The following ATP5IF1 variants were observed in gnomAD, a reference collection of about 807,000 sequenced individuals.
ATP5IF1 encodes ATPase inhibitor, mitochondrial.
A neutral mutation model predicts 8.5 loss-of-function variants in ATP5IF1; 12 were observed. That is an observed-to-expected ratio of 1.41 (90% CI 0.90 to 2.28). ATP5IF1 has a LOEUF of 2.28. ATP5IF1 is among the 30% of genes most tolerant of loss of function. The pLI is 0.00. For missense variants in ATP5IF1, 154 were observed against 140.2 expected (o/e 1.10, Z -0.50); for synonymous variants, 51 against 53.4 (o/e 0.96, Z 0.19).
In ATP5IF1 at chr1:28,237,549, C is replaced by T. The variant is rs1288890619; in HGVS notation, c.180-288C>T. 16 of 1,386,818 alleles carry T rather than the reference C, an allele frequency of 1.2e-5. No individual in the cohort carries two copies. The East Asian group carries it at 4.0e-4, about 34-fold the overall frequency. 85.9% of individuals were successfully genotyped at this position (1,386,818 alleles called of 1,614,324 possible). On this transcript the variant is annotated intron_variant, in intron 2 of 2. Coordinates refer to ENST00000335514, the MANE Select transcript of ATP5IF1 (RefSeq NM_016311.5). ...TTTCCCTAAAGGGGAGTCAAGTTCCCTGGGTTGTTCCCCTCATAAGGTATT... is the reference window on the plus strand; with the variant it reads ...TTTCCCTAAAGGGGAGTCAAGTTCCTTGGGTTGTTCCCCTCATAAGGTATT...
intron 1 of ATP5IF1, 42 bp from the exon 2 acceptor site, chr1:28,236,319 C>G: frequency 6.2e-7 from 1 of 1,614,218 alleles, no homozygotes. Context: ...CGGATCCCAT[C>G]TTTGCTTCCG....
Position 28,237,830 on chromosome 1 carries a change from C to T in ATP5IF1, c.180-7C>T. On this transcript the variant is annotated splice_polypyrimidine_tract_variant and splice_region_variant and intron_variant, in intron 2 of 2. Transcript: ENST00000335514. ...AAATTAAACCCTGAGCCACCGTGTC[C>T]TTGTAGAGCACAGAGTAGAGAACAA... 2 of 1,614,130 alleles carry T rather than the reference C, an allele frequency of 1.2e-6. No homozygotes were observed. The highest frequency in any genetic ancestry group is 1.7e-6 in the Non-Finnish European group (2 of 1,180,016).
Position 28,237,548 on chromosome 1 carries a change from C to T in ATP5IF1, c.180-289C>T, listed in dbSNP as rs533357966. 26 of 1,388,842 alleles carry T rather than the reference C, an allele frequency of 1.9e-5. No individual in the cohort carries two copies. In the South Asian group the frequency reaches 4.4e-4, roughly 24 times the overall value. The allele number at this position is 1,388,842 out of a possible 1,614,324, so 86.0% of individuals were successfully genotyped here. A position where few individuals can be genotyped will look rare whatever the true frequency, so the allele number is the denominator to read the frequency against. Reference sequence around the variant, plus strand: ...TTTTCCCTAAAGGGGAGTCAAGTTCCCTGGGTTGTTCCCCTCATAAGGTAT... The same window carrying T: ...TTTTCCCTAAAGGGGAGTCAAGTTCTCTGGGTTGTTCCCCTCATAAGGTAT... On this transcript the variant is annotated intron_variant, in intron 2 of 2. Coordinates refer to ENST00000335514, the MANE Select transcript of ATP5IF1 (RefSeq NM_016311.5).
chr1:28,237,696 T>G, intron 2 of ATP5IF1, 141 bp from the exon 3 acceptor site: 2 of 1,601,032 alleles, frequency 1.2e-6, no homozygotes, highest in Non-Finnish European at 1.7e-6. Context: ...CTTTCACTAG[T>G]TGAGGAGTAG....
chr1:28,238,045 T>A lies in ATP5IF1; in HGVS notation c.*67T>A. ...CTTCTGTGTAGACATGGTTCTGGTT[T>A]AACTAATATTTGTCTGTGTGCTACT... On this transcript the variant is annotated 3_prime_UTR_variant, in exon 3 of 3. Transcript: ENST00000335514. The A allele has an allele frequency of 6.8e-7, 1 of 1,474,580 alleles. No individual in the cohort carries two copies. The highest frequency in any genetic ancestry group is 9.2e-7 in the Non-Finnish European group (1 of 1,091,388). 91.3% of individuals were successfully genotyped at this position (1,474,580 alleles called of 1,614,324 possible).
intron 2 of ATP5IF1, 133 bp from the exon 3 acceptor site, chr1:28,237,701 GAGT>G: frequency 6.2e-7 from 1 of 1,605,094 alleles, no homozygotes; most frequent in Non-Finnish European, 8.5e-7. Flanking sequence ...ACTAGTTGAG[GAGT>G]AGAAGAGGAT....
chr1:28,237,800 G>A (rs763478808), intron 2 of ATP5IF1, 37 bp from the exon 3 acceptor site: 35 of 1,614,058 alleles, frequency 2.2e-5, no homozygotes, highest in Non-Finnish European at 2.8e-5. Flanking sequence ...TGGGGTGAAG[G>A]ATTGAAATTA....
In ATP5IF1 at chr1:28,237,936, G is replaced by A; in HGVS notation, c.279G>A (p.Glu93=). 1.9e-6 allele frequency: 3 copies of A among 1,613,580 alleles called. No individual in the cohort carries two copies. Among genetic ancestry groups the A allele is most frequent in the Non-Finnish European group, 2.5e-6 (3 of 1,180,020 alleles). The change falls in exon 3 of 3, where the codon GAG becomes GAA. Residue 93 remains glutamate (E), a synonymous_variant. Coordinates refer to ENST00000335514, the MANE Select transcript of ATP5IF1 (RefSeq NM_016311.5). ...KEIERLQKEI[E]RHKQKIKMLK... The stretch of plus-strand genomic sequence containing the variant: ...TTGAGCGTCTGCAGAAAGAAATTGA[G>A]CGCCATAAGCAGAAGATCAAAATGC...
In ATP5IF1 at chr1:28,236,241, A is replaced by C; in HGVS notation, c.58A>C (p.Met20Leu). 6.2e-7 allele frequency: 1 copy of C among 1,614,018 alleles called. No individual in the cohort carries two copies. Among genetic ancestry groups the C allele is most frequent in the Non-Finnish European group, 8.5e-7 (1 of 1,179,984 alleles). The change falls in exon 1 of 3, where the codon ATG (methionine) becomes CTG (leucine). Residue 20 changes from methionine to leucine, a missense_variant. Physicochemically the swap from Met to Leu is conservative, Grantham distance 15 (BLOSUM62 2). Transcript: ENST00000335514. ...GCTTGGCGTGTGGGGCGTGAGGACC[A>C]TGCAAGCCCGAGGCTTCGGCTCGGA... ...TWLGVWGVRT[M>L]QARGFGSDQS... is the part of the protein sequence containing the mutation.
At chr1:28,236,665 G>T (rs1011371650) in intron 2 of ATP5IF1, 1 of 1,463,608 alleles carries the variant, frequency 6.8e-7, no homozygotes, top group African/African-American at 1.4e-5. Context: ...ACAGTTTCAG[G>T]CCCCCAAACC....
In ATP5IF1 at chr1:28,237,832, TGTAGAGCACAGA is replaced by T; in HGVS notation, c.182_193del (p.Ala61_Arg64del). 23 of 1,614,064 alleles carry T rather than the reference TGTAGAGCACAGA, an allele frequency of 1.4e-5. No homozygotes were observed. The African/African-American group carries it at 2.3e-4, about 16-fold the overall frequency. Reference sequence around the variant, plus strand: ...ATTAAACCCTGAGCCACCGTGTCCTTGTAGAGCACAGAGTAGAGAACAACTGGCAGCTTTGAA... The same window carrying T: ...ATTAAACCCTGAGCCACCGTGTCCTTGTAGAGAACAACTGGCAGCTTTGAA... On this transcript the variant is annotated splice_acceptor_variant and splice_polypyrimidine_tract_variant and coding_sequence_variant and intron_variant, in exon 3 of 3. Coordinates refer to ENST00000335514, the MANE Select transcript of ATP5IF1 (RefSeq NM_016311.5). LOFTEE classifies it high-confidence loss of function.
At chr1:28,236,964 T>G (rs1647042922) in intron 2 of ATP5IF1, 17 of 1,054,072 alleles carry the variant, frequency 1.6e-5, no homozygotes, top group Non-Finnish European at 2.0e-5. Context: ...AGAGTGAGGA[T>G]GATGGGAGCT....
chr1:28,237,325 C>T (rs938461917), intron 2 of ATP5IF1: 1 of 1,006,984 alleles, frequency 9.9e-7, no homozygotes, highest in Non-Finnish European at 1.2e-6. Context: ...TGTGACCAAA[C>T]CAACATTGTA....
intron 2 of ATP5IF1, 175 bp downstream of exon 2, chr1:28,236,627 G>A (rs1647039212): frequency 1.3e-6 from 2 of 1,517,722 alleles, no homozygotes; most frequent in South Asian, 2.4e-5. Context: ...CCGTTGCCAC[G>A]TATAGGGCAC....
chr1:28,237,667 C>T, intron 2 of ATP5IF1, 170 bp from the exon 3 acceptor site: 2 of 1,556,414 alleles, frequency 1.3e-6, no homozygotes, highest in Non-Finnish European at 1.7e-6. Flanking sequence ...GGCTACACCT[C>T]AATTTAAGAT....
chr1:28,236,617 C>T (rs901545585), intron 2 of ATP5IF1, 165 bp downstream of exon 2: 17 of 1,528,044 alleles, frequency 1.1e-5, no homozygotes, highest in Middle Eastern at 4.4e-4. Context: ...GATGTCCCGA[C>T]CGTTGCCACG....
At chr1:28,237,739 G>A (rs778930273) in intron 2 of ATP5IF1, 98 bp from the exon 3 acceptor site, 3 of 1,613,600 alleles carry the variant, frequency 1.9e-6, no homozygotes, top group African/African-American at 1.3e-5. Context: ...CCATGGAATT[G>A]GAACTCCTAT....
chr1:28,236,306 G>C (rs772927876), intron 1 of ATP5IF1, 36 bp downstream of exon 1: 1 of 1,614,192 alleles, frequency 6.2e-7, no homozygotes, highest in Non-Finnish European at 8.5e-7. Context: ...CCAGCCCCGC[G>C]GGCGGATCCC....
In ATP5IF1 at chr1:28,236,864, C is replaced by G. The variant is rs1039250154; in HGVS notation, c.179+412C>G. ...GGCCCTTACCCACCTGTCACCCCCT[C>G]TACGCTCTCCTTCCTCGCCAGCACG... On this transcript the variant is annotated intron_variant, in intron 2 of 2. Coordinates refer to ENST00000335514, the MANE Select transcript of ATP5IF1 (RefSeq NM_016311.5). The G allele has an allele frequency of 5.2e-6, 6 of 1,148,440 alleles. No homozygotes were observed. In the African/African-American group the frequency reaches 9.7e-5, roughly 18 times the overall value. 71.1% of individuals were successfully genotyped at this position (1,148,440 alleles called of 1,614,324 possible).
Sources: gnomAD v4.1 joint callset for allele counts on GRCh38, gnomAD v4.1.1 for gene constraint, MANE v1.5 for transcripts, NCBI Gene and HGNC (gene_info 2026-07-23, HGNC 2026-07-21) for gene names.